The following CCDC195 variants were observed in gnomAD, a reference collection of about 807,000 sequenced individuals.
The protein encoded by CCDC195 is coiled-coil domain containing 195, also known as coiled-coil domain-containing protein 195.
chr2:224,703,890 A>G lies in CCDC195; in HGVS notation c.483-3T>C. 1 of 398,578 alleles carries G rather than the reference A, an allele frequency of 2.5e-6. No homozygotes were observed. The highest frequency in any genetic ancestry group is 4.4e-5 in the Admixed American group (1 of 22,738). 24.7% of individuals were successfully genotyped at this position (398,578 alleles called of 1,614,324 possible). A position where few individuals can be genotyped will look rare whatever the true frequency, so the allele number is the denominator to read the frequency against. ...AACTGACTGCCTTTGTCTTGTCCCT[A>G]CAGGAAGCAAAATAAAGGGAAGAAA... is the stretch of plus-strand genomic sequence containing the variant. On this transcript the variant is annotated splice_polypyrimidine_tract_variant and splice_region_variant and intron_variant, in intron 2 of 2. Coordinates refer to ENST00000638102, the Ensembl canonical transcript of CCDC195.
chr2:224,712,273 G>A, intron 1 of CCDC195, among the ~76,000 whole-genome samples: 1 of 152,358 alleles, frequency 6.6e-6, no homozygotes, highest in East Asian at 1.9e-4. Flanking sequence ...AAGGATGTGA[G>A]CAGAGAATCA....
chr2:224,705,514 G>A (rs1486269663), intron 2 of CCDC195, among the ~76,000 whole-genome samples: 1 of 152,070 alleles, frequency 6.6e-6, no homozygotes, highest in African/African-American at 2.4e-5. Flanking sequence ...AAGCAAATTG[G>A]TTATGATGTC....
intron 1 of CCDC195, among the ~76,000 whole-genome samples, chr2:224,712,511 A>C (rs1398217125): frequency 6.6e-6 from 1 of 152,178 alleles, no homozygotes. Flanking sequence ...ATCACCACAC[A>C]GCTGTGTCTG....
chr2:224,708,144 C>T (rs941779456), intron 2 of CCDC195, among the ~76,000 whole-genome samples: 12 of 151,996 alleles, frequency 7.9e-5, no homozygotes, highest in South Asian at 2.1e-4. Context: ...CTTGAGCCAC[C>T]GCACCTAGCC....
chr2:224,715,470 T>C (rs565416580), intron 1 of CCDC195, among the ~76,000 whole-genome samples: 4 of 152,378 alleles, frequency 2.6e-5, no homozygotes, highest in South Asian at 4.1e-4. Flanking sequence ...GGCTGAATTA[T>C]GTGCAGTATT....
At chr2:224,713,804 T>TG (rs1470277787) in intron 1 of CCDC195, among the ~76,000 whole-genome samples, 1 of 126 alleles carries the variant, frequency 7.9e-3, no homozygotes, top group East Asian at 0.5. Context: ...TTCACCAGTA[T>TG]TTTTTTTTTT....
intron 2 of CCDC195, among the ~76,000 whole-genome samples, chr2:224,705,248 A>C (rs1697228269): frequency 6.6e-6 from 1 of 152,158 alleles, no homozygotes. Flanking sequence ...ATTGTAATGA[A>C]TCTGGTTTAC....
intron 2 of CCDC195, among the ~76,000 whole-genome samples, chr2:224,709,230 A>C (rs948949170): frequency 1.3e-5 from 2 of 151,818 alleles, no homozygotes; most frequent in Non-Finnish European, 2.9e-5. Flanking sequence ...CTGAGGCTAC[A>C]GGCGCAGGCC....
intron 2 of CCDC195, among the ~76,000 whole-genome samples, chr2:224,705,483 TATA>T (rs1697230418): frequency 6.6e-6 from 1 of 152,212 alleles, no homozygotes; most frequent in Non-Finnish European, 1.5e-5. Context: ...ATTTTCGTGG[TATA>T]ATAATGGAAA....
chr2:224,707,692 G>A (rs1372250127), intron 2 of CCDC195, among the ~76,000 whole-genome samples: 1 of 152,110 alleles, frequency 6.6e-6, no homozygotes, highest in African/African-American at 2.4e-5. Context: ...TGACAATTCG[G>A]TTTCCTGCTG....
chr2:224,712,547 G>A (rs940257365), intron 1 of CCDC195, among the ~76,000 whole-genome samples: 1 of 152,118 alleles, frequency 6.6e-6, no homozygotes, highest in African/African-American at 2.4e-5. Context: ...CTGCGTCCTC[G>A]GGTGACTTCA....
rs1689381820 is a variant in CCDC195 at position 224,716,290 on chromosome 2, G to A, written c.76C>T (p.Gln26Ter). 2.5e-6 allele frequency: 1 copy of A among 398,572 alleles called. No homozygotes were observed. Among genetic ancestry groups the A allele is most frequent in the African/African-American group, 2.1e-5 (1 of 48,630 alleles). 24.7% of individuals were successfully genotyped at this position (398,572 alleles called of 1,614,324 possible). A position where few individuals can be genotyped will look rare whatever the true frequency, so the allele number is the denominator to read the frequency against. The stretch of plus-strand genomic sequence containing the variant: ...GCAGTGAGTTTCATCCGGAGGGCTT[G>A]ATTCTCTTTCTCCAGTTTGTGGATC... The change falls in exon 1 of 3, where the codon CAA becomes TAA. Residue 26 changes from glutamine (Q) to a stop codon, truncating the protein, a stop_gained. Coordinates refer to ENST00000638102, the Ensembl canonical transcript of CCDC195. LOFTEE classifies it high-confidence loss of function.
At chr2:224,704,566 C>T (rs1259113554) in intron 2 of CCDC195, among the ~76,000 whole-genome samples, 4 of 147,808 alleles carry the variant, frequency 2.7e-5, no homozygotes, top group Non-Finnish European at 4.5e-5. Context: ...TGGTGGCCTG[C>T]GTCTCAGAAA....
At position 224,710,052 on chromosome 2, in the gene CCDC195, C is replaced by T. The variant is rs567995347; in HGVS notation, c.403G>A (p.Glu135Lys). 1.1e-3 allele frequency: 430 copies of T among 398,598 alleles called. 2 individuals are homozygous for T. Among genetic ancestry groups the T allele is most frequent in the Middle Eastern group, 6.3e-3 (10 of 1,588 alleles). 24.7% of individuals were successfully genotyped at this position (398,598 alleles called of 1,614,324 possible). A position where few individuals can be genotyped will look rare whatever the true frequency, so the allele number is the denominator to read the frequency against. ...AGAGAATCTGTGGCAAACACCTTTTCTTCCATGTCTTGCTTCTTAATTGGA... is the reference window on the plus strand; with the variant it reads ...AGAGAATCTGTGGCAAACACCTTTTTTTCCATGTCTTGCTTCTTAATTGGA... The change falls in exon 2 of 3, where the codon GAA (glutamate) becomes AAA (lysine). Residue 135 changes from glutamate to lysine, a missense_variant. By Grantham distance (56) the Glu-to-Lys change is moderately conservative. Coordinates refer to ENST00000638102, the Ensembl canonical transcript of CCDC195.
chr2:224,707,261 A>C (rs1344630257), intron 2 of CCDC195, among the ~76,000 whole-genome samples: 1 of 152,236 alleles, frequency 6.6e-6, no homozygotes, highest in Non-Finnish European at 1.5e-5. Context: ...TATCCACACA[A>C]ATTTATTTAC....
intron 2 of CCDC195, 71 bp from the exon 3 acceptor site, chr2:224,703,958 T>TC: frequency 2.5e-6 from 1 of 397,398 alleles, no homozygotes; most frequent in Admixed American, 4.4e-5. Flanking sequence ...TGATGATTTT[T>TC]CCCCCCAATC....
chr2:224,712,994 G>A (rs566655172), intron 1 of CCDC195, among the ~76,000 whole-genome samples: 4 of 152,080 alleles, frequency 2.6e-5, no homozygotes, highest in Admixed American at 1.3e-4. Context: ...TCAACCTCCC[G>A]AGTAGCTAGG....
intron 2 of CCDC195, among the ~76,000 whole-genome samples, chr2:224,709,464 CCCTTATGAGTTATG>C (rs1297673430): frequency 6.6e-6 from 1 of 152,172 alleles, no homozygotes; most frequent in Non-Finnish European, 1.5e-5. Context: ...TGTCTCTTGG[CCCTTATGAGTTATG>C]CCTAAATAAT....
At chr2:224,703,932 A>C (rs1465570575) in intron 2 of CCDC195, 45 bp from the exon 3 acceptor site, 1 of 398,104 alleles carries the variant, frequency 2.5e-6, no homozygotes, top group Non-Finnish European at 4.4e-6. Context: ...TTTTAGTGAG[A>C]CTTTATATAG....
Sources: allele counts gnomAD v4.1 joint callset (sites outside exome capture counted in the v4.1 genomes callset), GRCh38; gene constraint gnomAD v4.1.1; transcripts MANE v1.5; gene names NCBI Gene and HGNC (gene_info 2026-07-23, HGNC 2026-07-21).